The following SETX variants were observed in gnomAD, a reference collection of about 807,000 sequenced individuals.
The protein encoded by SETX is helicase senataxin.
Under a neutral mutation model 227.2 loss-of-function variants are expected in SETX, and 90 were observed. That is an observed-to-expected ratio of 0.40 (90% CI 0.33 to 0.47). The LOEUF is 0.47. SETX is among the 20% of genes least tolerant of loss of function. The probability of loss-of-function intolerance (pLI) is 0.91; values close to 1 mark genes in which losing one functional copy is unlikely to be tolerated. For synonymous variants in SETX, 1,210 were observed against 1,113.2 expected (o/e 1.09, Z -1.73); for missense variants, 3,052 against 3,181.5 (o/e 0.96, Z 0.98).
chr9:132,322,426 G>C (rs571800949), intron 10 of SETX, among the ~76,000 whole-genome samples: 44 of 151,894 alleles, frequency 2.9e-4, no homozygotes, highest in African/African-American at 1.0e-3. Flanking sequence ...TCATCTTTCT[G>C]TCTCTACAGA....
At chr9:132,288,493 C>A in intron 16 of SETX, 57 bp downstream of exon 16, 2 of 1,490,790 alleles carry the variant, frequency 1.3e-6, no homozygotes, top group South Asian at 2.3e-5. Flanking sequence ...GTGCCCAAGT[C>A]ATTTTCCACC....
At chr9:132,334,273 C>A (rs949384837) in intron 7 of SETX, among the ~76,000 whole-genome samples, 4 of 152,124 alleles carry the variant, frequency 2.6e-5, no homozygotes, top group Admixed American at 2.6e-4. Flanking sequence ...TGGTGAAACC[C>A]CGTCTCTACT....
At position 132,264,757 on chromosome 9, in the gene SETX, C is replaced by T. The variant is rs1160553456; in HGVS notation, c.7516G>A (p.Ala2506Thr). 4.3e-6 allele frequency: 7 copies of T among 1,614,192 alleles called. No homozygotes were observed. In the South Asian group the frequency reaches 6.6e-5, roughly 15 times the overall value. ...TCAGAGGGTGTGTGGTATAGAGAAG[C>T]AGCAACAGATGTCTTGGCAAATCCA... is the stretch of plus-strand genomic sequence containing the variant. ...DSGFAKTSVA[A>T]SLYHTPSDSK... The change falls in exon 26 of 26, where the codon GCT becomes ACT. Residue 2506 changes from alanine to threonine, a missense_variant. This residue lies in a region of SETX where 294 missense variants were observed against 278.8 expected (regional missense o/e 1.05). Coordinates refer to ENST00000224140, the MANE Select transcript of SETX (RefSeq NM_015046.7).
intron 12 of SETX, among the ~76,000 whole-genome samples, chr9:132,299,610 C>G (rs1844867649): frequency 1.3e-5 from 2 of 152,160 alleles, no homozygotes; most frequent in South Asian, 4.1e-4. Context: ...ATGTTCTTCT[C>G]TTCACATAAC....
At chr9:132,334,811 C>A (rs1272763943) in intron 6 of SETX, 84 bp from the exon 7 acceptor site, 27 of 1,459,094 alleles carry the variant, frequency 1.9e-5, no homozygotes, top group Non-Finnish European at 4.8e-6. Context: ...AATAACAAGG[C>A]AGGAAGATGA....
chr9:132,303,014 T>C (rs1344837172), intron 11 of SETX, among the ~76,000 whole-genome samples: 1 of 152,118 alleles, frequency 6.6e-6, no homozygotes, highest in Admixed American at 6.5e-5. Context: ...TATTTTTACA[T>C]TGTTTTTGAT....
At chr9:132,268,706 G>A (rs58693987) in intron 25 of SETX, among the ~76,000 whole-genome samples, 10,913 of 152,202 alleles carry the variant, frequency 0.072, 767 homozygotes, top group East Asian at 0.37. Context: ...TTTAATTGCT[G>A]TATTTTAAAA....
intron 11 of SETX, 85 bp from the exon 12 acceptor site, chr9:132,300,888 G>C: frequency 7.7e-7 from 1 of 1,298,234 alleles, no homozygotes; most frequent in Non-Finnish European, 1.1e-6. Context: ...TTAAATCCTT[G>C]TATTAAGTTC....
At chr9:132,338,090 CTT>C (rs71376637) in intron 5 of SETX, among the ~76,000 whole-genome samples, 24 of 126,480 alleles carry the variant, frequency 1.9e-4, no homozygotes, top group Non-Finnish European at 1.8e-4. Context: ...GAGGAACACT[CTT>C]TTTTTTTTTT....
Position 132,296,974 on chromosome 9 carries a change from T to C in SETX, c.5862A>G (p.Ser1954=). ...TAYAMVKHSP[S]VAKICLIHGP... is the part of the protein sequence containing the mutation. ...CATGAATCAAGCAGATTTTGGCAACTGATGGTGAGTGTTTCACCATAGCAT... is the reference window on the plus strand; with the variant it reads ...CATGAATCAAGCAGATTTTGGCAACCGATGGTGAGTGTTTCACCATAGCAT... Residue 1954 remains serine (S), a synonymous_variant, in exon 14 of 26, where the codon TCA becomes TCG. Coordinates refer to ENST00000224140, the MANE Select transcript of SETX (RefSeq NM_015046.7). 2 of 1,613,996 alleles carry C rather than the reference T, an allele frequency of 1.2e-6. No individual in the cohort carries two copies. The highest frequency in any genetic ancestry group is 1.7e-6 in the Non-Finnish European group (2 of 1,179,850).
At chr9:132,326,128 C>T (rs910718210) in intron 10 of SETX, among the ~76,000 whole-genome samples, 196 bp downstream of exon 10, 1 of 151,524 alleles carries the variant, frequency 6.6e-6, no homozygotes. Flanking sequence ...AGTGCAGTGG[C>T]GCGACCTCGG....
At chr9:132,311,269 AT>A (rs902719479) in intron 11 of SETX, among the ~76,000 whole-genome samples, 1 of 151,150 alleles carries the variant, frequency 6.6e-6, no homozygotes, top group Admixed American at 6.6e-5. Flanking sequence ...ACCCAGCCTC[AT>A]TTTTTTTTAA....
chr9:132,325,296 C>G (rs1846658060), intron 10 of SETX, among the ~76,000 whole-genome samples: 1 of 151,938 alleles, frequency 6.6e-6, no homozygotes, highest in African/African-American at 2.4e-5. Flanking sequence ...GCAGAGCTTG[C>G]AGTGAGCCGA....
In SETX at chr9:132,329,474, A is replaced by G. The variant is rs139236924; in HGVS notation, c.2124T>C (p.Ser708=). Residue 708 remains serine, a synonymous_variant, in exon 10 of 26, where the codon AGT becomes AGC. Coordinates refer to ENST00000224140, the MANE Select transcript of SETX (RefSeq NM_015046.7). ...CTTTTACAGACTTCTGCTTCCTTGT[A>G]CTTATTTTAATTTGATCTTCAGCTC... The part of the protein sequence containing the change: ...TERAEDQIKI[S]TRKQKSVKEI... 1.4e-4 allele frequency: 232 copies of G among 1,612,480 alleles called. 1 individual carries two copies. In the African/African-American group the frequency reaches 2.8e-3, roughly 20 times the overall value.
intron 11 of SETX, among the ~76,000 whole-genome samples, chr9:132,302,238 T>G (rs1045975070): frequency 2.7e-5 from 4 of 149,492 alleles, no homozygotes; most frequent in Admixed American, 1.3e-4. Context: ...GCATCTGTAG[T>G]CCCAGCTACT....
chr9:132,288,151 G>A (rs1844033648), intron 17 of SETX, 85 bp downstream of exon 17: 1 of 1,083,390 alleles, frequency 9.2e-7, no homozygotes, highest in Non-Finnish European at 1.4e-6. Flanking sequence ...ACTCCAGCCT[G>A]GAAGACAGAG....
chr9:132,275,573 G>A (rs1843121104), intron 22 of SETX, among the ~76,000 whole-genome samples, 153 bp from the exon 23 acceptor site: 1 of 152,160 alleles, frequency 6.6e-6, no homozygotes, highest in Non-Finnish European at 1.5e-5. Flanking sequence ...CCAAGAGGCT[G>A]TTACAATGAC....
intron 22 of SETX, 22 bp from the exon 23 acceptor site, chr9:132,275,442 AAC>A (rs778200906): frequency 2.5e-6 from 4 of 1,584,628 alleles, no homozygotes; most frequent in South Asian, 1.1e-5. Flanking sequence ...GGAAAAAGAA[AAC>A]ACAGTGTTAT....
At chr9:132,315,085 G>C (rs919205679) in intron 10 of SETX, among the ~76,000 whole-genome samples, 1 of 151,694 alleles carries the variant, frequency 6.6e-6, no homozygotes, top group Non-Finnish European at 1.5e-5. Context: ...GCTAATTTTT[G>C]TATTTTTAGT....
Sources: gnomAD v4.1 joint callset for allele counts (sites outside exome capture counted in the v4.1 genomes callset) on GRCh38, gnomAD v4.1.1 for gene constraint, gnomAD v4.1.1 regional missense constraint, MANE v1.5 for transcripts, NCBI Gene and HGNC (gene_info 2026-07-23, HGNC 2026-07-21) for gene names.